Variants in CCDC57 observed in about 807,000 individuals in gnomAD.
CCDC57 encodes coiled-coil domain containing 57.
A neutral mutation model predicts 118.9 loss-of-function variants in CCDC57; 118 were observed. The ratio of observed to expected loss-of-function variants is 0.99; its 90% CI spans 0.86 to 1.16. The LOEUF (loss-of-function observed/expected upper bound fraction) is 1.16, where lower values mean the gene tolerates loss of function less well. CCDC57 is among the 50% of genes most tolerant of loss of function. The pLI, the probability that CCDC57 is intolerant of heterozygous loss-of-function variation, is 0.00. For missense variants in CCDC57, 1,300 were observed against 1,320.7 expected, an observed-to-expected ratio of 0.98 and a Z score of 0.24; for synonymous variants, 527 against 532.9, an observed-to-expected ratio of 0.99 and a Z score of 0.15.
intron 5 of CCDC57, chr17:82,194,367 A>G: frequency 2.3e-6 from 1 of 442,016 alleles, no homozygotes; most frequent in Non-Finnish European, 4.0e-6. Context: ...CTGGAGTGCA[A>G]TGGCGTGATC....
intron 14 of CCDC57, 149 bp downstream of exon 13, chr17:82,163,051 A>G: frequency 3.1e-6 from 3 of 961,870 alleles, no homozygotes; most frequent in Non-Finnish European, 4.7e-6. Flanking sequence ...ACCTCCCCAC[A>G]GCCCCTTCCT....
At chr17:82,108,211 CCGCTCTGG>C (rs1294090800) in intron 19 of CCDC57, among the ~76,000 whole-genome samples, 7 of 152,342 alleles carry the variant, frequency 4.6e-5, no homozygotes, top group African/African-American at 1.7e-4. Context: ...TGACCTGCGG[CCGCTCTGG>C]CGCTCTGCCT....
intron 14 of CCDC57, among the ~76,000 whole-genome samples, chr17:82,160,873 C>T: frequency 1.6e-5 from 1 of 60,854 alleles, no homozygotes; most frequent in South Asian, 7.5e-4. Flanking sequence ...GACTCTGTCT[C>T]AAAAAAAAAA....
rs532540331 is a variant in CCDC57 at position 82,137,672 on chromosome 17, ACTTTT to A, written c.2456-3483_2456-3479del. Among the ~76,000 whole-genome samples the A allele has an allele frequency of 8.4e-3, 1,231 of 146,740 alleles. 12 individuals are homozygous for A. The highest frequency in any genetic ancestry group is 0.03 in the African/African-American group (1,176 of 39,840). ...TCAAATAAAATAAAGCTTTCAGGAG[ACTTTT>A]CTTTTTTTTTTTTTTGAGATGGAGT... is the stretch of plus-strand genomic sequence containing the variant. On this transcript the variant is annotated intron_variant, in intron 16 of 19. Coordinates refer to ENST00000665763, the Ensembl canonical transcript of CCDC57.
intron 19 of CCDC57, among the ~76,000 whole-genome samples, chr17:82,117,980 C>T (rs926531159): frequency 6.6e-6 from 1 of 152,154 alleles, no homozygotes; most frequent in African/African-American, 2.4e-5. Context: ...GAGCTAAAAA[C>T]GACAGGCCGT....
At chr17:82,117,352 A>C (rs1415710243) in intron 19 of CCDC57, among the ~76,000 whole-genome samples, 1 of 151,988 alleles carries the variant, frequency 6.6e-6, no homozygotes, top group Non-Finnish European at 1.5e-5. Flanking sequence ...CTCAAACAAC[A>C]ACCAGGCAAA....
At chr17:82,150,565 A>T (rs1369434655) in intron 16 of CCDC57, among the ~76,000 whole-genome samples, 1 of 52,160 alleles carries the variant, frequency 1.9e-5, no homozygotes, top group Non-Finnish European at 3.4e-5. Flanking sequence ...ACCCAGAACC[A>T]GGCGCACACT....
intron 18 of CCDC57, 131 bp downstream of exon 17, chr17:82,128,362 T>G (rs2037792333): frequency 1.5e-6 from 1 of 656,742 alleles, no homozygotes; most frequent in South Asian, 1.9e-5. Flanking sequence ...TTGTGAGCAG[T>G]CCCTGATGAC....
chr17:82,132,759 CTT>C (rs71166188), intron 17 of CCDC57, among the ~76,000 whole-genome samples: 24 of 123,908 alleles, frequency 1.9e-4, no homozygotes, highest in Non-Finnish European at 3.2e-4. Flanking sequence ...GACAACCTTG[CTT>C]TTTTTTTTTT....
At chr17:82,203,550 C>T (rs1376674994) in intron 2 of CCDC57, among the ~76,000 whole-genome samples, 4 of 152,204 alleles carry the variant, frequency 2.6e-5, no homozygotes, top group African/African-American at 9.7e-5. Flanking sequence ...CAGTAGCTCT[C>T]GCCTGCAATC....
At chr17:82,179,285 C>T (rs755018257) in intron 9 of CCDC57, 96 bp from the exon 9 acceptor site, 320 of 1,393,936 alleles carry the variant, frequency 2.3e-4, no homozygotes, top group Non-Finnish European at 2.9e-4. Flanking sequence ...CTGCCGCTGT[C>T]CCTCCTGCTC....
At chr17:82,145,006 TTTC>T (rs2145652998) in intron 16 of CCDC57, among the ~76,000 whole-genome samples, 1 of 144,688 alleles carries the variant, frequency 6.9e-6, no homozygotes, top group African/African-American at 2.5e-5. Context: ...ATCAATTTTA[TTTC>T]TTTTCTTTTT....
chr17:82,134,364 GCAT>G, intron 16 of CCDC57, 170 bp from the exon 16 acceptor site: 1 of 516,100 alleles, frequency 1.9e-6, no homozygotes, highest in Non-Finnish European at 3.0e-6. Context: ...GTGACACACA[GCAT>G]TTCGGTAGAG....
At position 82,121,236 on chromosome 17, in the gene CCDC57, G is replaced by C. The variant is rs75083923; in HGVS notation, c.2899+6456C>G. ...CCGTGTTTCTAAAATAAATAATAAA[G>C]AAAAAATAAATACCAGCCACCCTGT... On this transcript the variant is annotated intron_variant, in intron 19 of 19. Coordinates refer to ENST00000665763, the Ensembl canonical transcript of CCDC57. 6.2e-3 allele frequency among the ~76,000 whole-genome samples: 943 copies of C among 152,246 alleles called. 5 individuals are homozygous for C. The highest frequency in any genetic ancestry group is 0.022 in the African/African-American group (924 of 41,542).
intron 18 of CCDC57, 32 bp from the exon 18 acceptor site, chr17:82,127,940 C>A: frequency 6.2e-7 from 1 of 1,606,948 alleles, no homozygotes; most frequent in Admixed American, 1.7e-5. Context: ...TGAAAGCCAC[C>A]CTCTCCAACC....
At chr17:82,161,048 T>C (rs12950475) in intron 14 of CCDC57, among the ~76,000 whole-genome samples, 71,091 of 151,982 alleles carry the variant, frequency 0.47, 17,436 homozygotes, top group East Asian at 0.88. Flanking sequence ...TCCACACGGA[T>C]GTTTCTCCAA....
chr17:82,158,966 C>A (rs2043002871), intron 14 of CCDC57, among the ~76,000 whole-genome samples: 1 of 152,186 alleles, frequency 6.6e-6, no homozygotes, highest in South Asian at 2.1e-4. Context: ...AACCCTCCCA[C>A]TGGGCTCAAG....
intron 14 of CCDC57, among the ~76,000 whole-genome samples, chr17:82,162,312 T>C (rs1259015930): frequency 6.6e-6 from 1 of 152,106 alleles, no homozygotes; most frequent in Admixed American, 6.6e-5. Flanking sequence ...GGCCACACAA[T>C]TTTTTAAAGT....
intron 19 of CCDC57, chr17:82,113,426 G>C (rs1373372477): frequency 2.8e-6 from 2 of 717,564 alleles, no homozygotes; most frequent in Non-Finnish European, 5.2e-6. Context: ...GACAGGAGCA[G>C]GTAGTGAGAA....
Sources: gnomAD v4.1 joint callset for allele counts (sites outside exome capture counted in the v4.1 genomes callset) on GRCh38, gnomAD v4.1.1 for gene constraint, MANE v1.5 for transcripts, NCBI Gene and HGNC (gene_info 2026-07-23, HGNC 2026-07-21) for gene names.